PSG3: variants seen among roughly 807,000 people sequenced by gnomAD.
The protein encoded by PSG3 is pregnancy specific beta-1-glycoprotein 3.
PSG3 carries 61 observed loss-of-function variants against 47.5 expected under a neutral mutation model. That is an observed-to-expected ratio of 1.28 (90% CI 1.05 to 1.59). The LOEUF is 1.59. PSG3 is among the 40% of genes most tolerant of loss of function. The pLI, the probability that PSG3 is intolerant of heterozygous loss-of-function variation, is 0.00. For synonymous variants in PSG3, 263 were observed against 198.4 expected, an observed-to-expected ratio of 1.33 and a Z score of -2.74; for missense variants, 756 against 524.0, an observed-to-expected ratio of 1.44 and a Z score of -4.32.
rs563211348 is a variant in PSG3, at chr19:42,730,070, A to C, written c.710-14T>G. 52 of 1,609,830 alleles carry C rather than the reference A, an allele frequency of 3.2e-5. No homozygotes were observed. In the East Asian group the frequency reaches 1.1e-3, roughly 34 times the overall value. On this transcript the variant is annotated splice_polypyrimidine_tract_variant and intron_variant, in intron 3 of 6. Transcript: ENST00000327495. Reference sequence around the variant, plus strand: ...TGGGCAGCTTCGCTGTGTGGATAACAGAGAGAAGATTGTCCTGTGTGGCAC... The same window carrying C: ...TGGGCAGCTTCGCTGTGTGGATAACCGAGAGAAGATTGTCCTGTGTGGCAC...
chr19:42,737,399 G>C (rs1329353729), intron 2 of PSG3, among the ~76,000 whole-genome samples: 3 of 152,126 alleles, frequency 2.0e-5, no homozygotes, highest in Non-Finnish European at 4.4e-5. Context: ...TGGGCCTATG[G>C]TGGTGTAGGG....
chr19:42,724,160 G>T (rs1969339003), intron 5 of PSG3, 135 bp from the exon 6 acceptor site: 3 of 1,388,610 alleles, frequency 2.2e-6, no homozygotes, highest in African/African-American at 1.5e-5. Context: ...TTGGAAAATT[G>T]ATAGGAGATG....
chr19:42,723,480 G>A (rs1969328197), intron 6 of PSG3, among the ~76,000 whole-genome samples: 1 of 152,186 alleles, frequency 6.6e-6, no homozygotes, highest in African/African-American at 2.4e-5. Flanking sequence ...TATCAAAGTG[G>A]CTAGAGTAGA....
Position 42,729,164 on chromosome 19 carries a change from G to A in PSG3, c.1202C>T (p.Thr401Ile). Residue 401 changes from threonine (T) to isoleucine (I), a missense_variant, in exon 5 of 7, where the codon ACT becomes ATT. By Grantham distance (89) the Thr-to-Ile change is moderately conservative (BLOSUM62 -1). Transcript: ENST00000327495. ...CATGGATTTGGAGCTTTCCATGCCAGTGGCTGAGTTACGAACAGAGCAAGC... is the reference window on the plus strand; with the variant it reads ...CATGGATTTGGAGCTTTCCATGCCAATGGCTGAGTTACGAACAGAGCAAGC... The part of the protein sequence containing the change: ...LYACSVRNSA[T>I]GMESSKSMTV... The A allele has an allele frequency of 6.2e-7, 1 of 1,613,998 alleles. No homozygotes were observed. Among genetic ancestry groups the A allele is most frequent in the Non-Finnish European group, 8.5e-7 (1 of 1,179,864 alleles).
Position 42,740,375 on chromosome 19 carries a change from G to C in PSG3, c.10C>G (p.Leu4Val). Residue 4 changes from leucine (L) to valine (V), a missense_variant, in exon 1 of 7, where the codon CTC becomes GTC. Coordinates refer to ENST00000327495, the MANE Select transcript of PSG3 (RefSeq NM_021016.4). MGP[L>V]SAPPCTQRIT... ...CGCTGTGTGCAGGGAGGGGCTGAGAGGGGCCCCATGGTCTCTGCTGCCTGC... is the reference window on the plus strand; with the variant it reads ...CGCTGTGTGCAGGGAGGGGCTGAGACGGGCCCCATGGTCTCTGCTGCCTGC... The C allele has an allele frequency of 6.2e-7, 1 of 1,614,024 alleles. No homozygotes were observed. The highest frequency in any genetic ancestry group is 8.5e-7 in the Non-Finnish European group (1 of 1,179,918).
intron 2 of PSG3, among the ~76,000 whole-genome samples, chr19:42,737,527 G>A (rs551812595): frequency 7.9e-5 from 12 of 152,206 alleles, no homozygotes; most frequent in African/African-American, 2.9e-4. Flanking sequence ...TGAGGGGGAG[G>A]CCTGGACATG....
At chr19:42,725,629 G>A (rs976545091) in intron 5 of PSG3, among the ~76,000 whole-genome samples, 4 of 152,134 alleles carry the variant, frequency 2.6e-5, no homozygotes, top group African/African-American at 7.2e-5. Context: ...GGAAGTCACA[G>A]CAGAAGGATT....
chr19:42,725,825 C>T (rs1482872197), intron 5 of PSG3, among the ~76,000 whole-genome samples: 1 of 146,402 alleles, frequency 6.8e-6, no homozygotes, highest in African/African-American at 2.6e-5. Context: ...AATCACACCA[C>T]TGTATTCCAT....
rs773437305 is a variant in PSG3 at position 42,729,363 on chromosome 19, G to A, written c.1003C>T (p.Pro335Ser). 56 of 1,613,536 alleles carry A rather than the reference G, an allele frequency of 3.5e-5. No individual in the cohort carries two copies. Among genetic ancestry groups the A allele is most frequent in the Middle Eastern group, 1.6e-4 (1 of 6,080 alleles). ...TLNVLYGPDL[P>S]RIYPSFTYYH... ...TAGGTGAATGAAGGGTAAATTCTGG[G>A]GAGGTCTGGACCATCTGGAGCAAAG... is the stretch of plus-strand genomic sequence containing the variant. Residue 335 changes from proline (P) to serine (S), a missense_variant, in exon 5 of 7, where the codon CCC (proline) becomes TCC (serine). By Grantham distance (74) the Pro-to-Ser change is moderately conservative (BLOSUM62 -1). Coordinates refer to ENST00000327495, the MANE Select transcript of PSG3 (RefSeq NM_021016.4).
rs756695078 is a variant in PSG3 at position 42,729,772 on chromosome 19, A to G, written c.988+6T>C. On this transcript the variant is annotated splice_donor_region_variant and intron_variant, in intron 4 of 6. Coordinates refer to ENST00000327495, the MANE Select transcript of PSG3 (RefSeq NM_021016.4). ...CCTGGCCCACAGAGGAACAAAAGAT[A>G]CTCACAGAGGACATTCAGGGTGACT... The G allele has an allele frequency of 6.2e-7, 1 of 1,612,688 alleles. No individual in the cohort carries two copies.
At chr19:42,722,164 C>T in intron 6 of PSG3, 74 bp from the exon 7 acceptor site, 1 of 403,422 alleles carries the variant, frequency 2.5e-6, no homozygotes, top group East Asian at 3.6e-5. Flanking sequence ...AGACACAGCT[C>T]ACAAAATCTA....
chr19:42,739,925 A>C (rs529253559), intron 1 of PSG3, among the ~76,000 whole-genome samples: 31 of 149,608 alleles, frequency 2.1e-4, no homozygotes, highest in Middle Eastern at 3.5e-3. Flanking sequence ...TCCAACAGAG[A>C]CTTCTTTCCT....
In PSG3 at chr19:42,722,008, CTT is replaced by C. The variant is rs372908247; in HGVS notation, c.*121_*122del. 44 of 416,666 alleles carry C rather than the reference CTT, an allele frequency of 1.1e-4. No individual in the cohort carries two copies. The South Asian group carries it at 2.0e-3, about 19-fold the overall frequency. 25.8% of individuals were successfully genotyped at this position (416,666 alleles called of 1,614,324 possible). On this transcript the variant is annotated 3_prime_UTR_variant, in exon 7 of 7. Transcript: ENST00000327495. ...TGTATTCAAGAGTCCTTGTCAGAGT[CTT>C]TTCATAAATCTCCTTGAACAAAAAG...
At chr19:42,735,279 TC>T (rs1446706988) in intron 2 of PSG3, among the ~76,000 whole-genome samples, 1 of 152,212 alleles carries the variant, frequency 6.6e-6, no homozygotes, top group Non-Finnish European at 1.5e-5. Flanking sequence ...TTTGGAAGTT[TC>T]TATTGACATA....
chr19:42,729,346 T>A lies in PSG3; in HGVS notation c.1020A>T (p.Ser340=). ...TTTCTCCTGAATGGTAATAGGTGAA[T>A]GAAGGGTAAATTCTGGGGAGGTCTG... ...YGPDLPRIYP[S]FTYYHSGENL... Residue 340 remains serine, a synonymous_variant, in exon 5 of 7, where the codon TCA becomes TCT. Coordinates refer to ENST00000327495, the MANE Select transcript of PSG3 (RefSeq NM_021016.4). 1 of 1,614,022 alleles carries A rather than the reference T, an allele frequency of 6.2e-7. No homozygotes were observed. The highest frequency in any genetic ancestry group is 2.2e-5 in the East Asian group (1 of 44,880).
chr19:42,740,015 C>G (rs1335708099), intron 1 of PSG3, among the ~76,000 whole-genome samples: 2 of 151,712 alleles, frequency 1.3e-5, no homozygotes, highest in South Asian at 2.1e-4. Context: ...TGCAGTGGCA[C>G]TATCTCGGCT....
intron 2 of PSG3, among the ~76,000 whole-genome samples, chr19:42,735,929 C>G (rs904290281): frequency 3.9e-5 from 6 of 152,186 alleles, no homozygotes; most frequent in African/African-American, 1.4e-4. Context: ...ACAACAGTGA[C>G]AGCAAACTAG....
At chr19:42,739,135 G>A (rs1568756772) in intron 1 of PSG3, 46 bp from the exon 2 acceptor site, 1 of 1,556,726 alleles carries the variant, frequency 6.4e-7, no homozygotes. Flanking sequence ...CCTATGCATT[G>A]GGGTGAAAAG....
chr19:42,735,117 A>G (rs576057871), intron 2 of PSG3, among the ~76,000 whole-genome samples: 2 of 152,332 alleles, frequency 1.3e-5, no homozygotes, highest in East Asian at 3.9e-4. Flanking sequence ...CAAAACCACC[A>G]GTATTCCCAT....
Sources: allele counts gnomAD v4.1 joint callset (sites outside exome capture counted in the v4.1 genomes callset), GRCh38; gene constraint gnomAD v4.1.1; transcripts MANE v1.5; gene names NCBI Gene and HGNC (gene_info 2026-07-23, HGNC 2026-07-21).